GPR55: variants seen among roughly 807,000 people sequenced by gnomAD.
GPR55 encodes the protein G-protein coupled receptor 55.
Under a neutral mutation model 7.9 loss-of-function variants are expected in GPR55, and 6 were observed. The observed-to-expected ratio is 0.76, with a 90% CI of 0.41 to 1.49. GPR55 has a LOEUF of 1.49. Ranked by LOEUF, GPR55 falls within the 40% of genes most tolerant of loss-of-function variation. The pLI, the probability that GPR55 is intolerant of heterozygous loss-of-function variation, is 0.01. For synonymous variants in GPR55, 183 were observed against 166.8 expected (o/e 1.10, Z -0.75); for missense variants, 376 against 406.0 (o/e 0.93, Z 0.63).
intron 1 of GPR55, among the ~76,000 whole-genome samples, chr2:230,939,082 A>G (rs1391650588): frequency 6.6e-6 from 1 of 152,166 alleles, no homozygotes; most frequent in Non-Finnish European, 1.5e-5. Context: ...GCCAACAATG[A>G]GCACTCGCCG....
rs1399567035 is a variant in GPR55 at position 230,908,322 on chromosome 2, T to G, written c.*1681A>C. The stretch of plus-strand genomic sequence containing the variant: ...TTCCCTCCATCCACCTAGGAGGAGG[T>G]GTACAGGGTGCCACTTGAACACAGC... On this transcript the variant is annotated 3_prime_UTR_variant, in exon 2 of 2. Coordinates refer to ENST00000650999, the MANE Select transcript of GPR55 (RefSeq NM_005683.4). 6.6e-6 allele frequency: 1 copy of G among 152,414 alleles called. No homozygotes were observed. The highest frequency in any genetic ancestry group is 2.4e-5 in the African/African-American group (1 of 41,378). The allele number at this position is 152,414 out of a possible 1,614,324, so 9.4% of individuals were successfully genotyped here. A position where few individuals can be genotyped will look rare whatever the true frequency, so the allele number is the denominator to read the frequency against.
intron 1 of GPR55, among the ~76,000 whole-genome samples, chr2:230,940,061 C>T (rs1205061433): frequency 5.9e-5 from 9 of 152,136 alleles, no homozygotes; most frequent in African/African-American, 2.2e-4. Context: ...CATCCCTGAG[C>T]TACGTGGCCC....
At chr2:230,922,292 C>T (rs1432694993) in intron 1 of GPR55, among the ~76,000 whole-genome samples, 1 of 152,130 alleles carries the variant, frequency 6.6e-6, no homozygotes, top group Non-Finnish European at 1.5e-5. Context: ...CTCCTGGCTC[C>T]CTCTGCTTGG....
Position 230,910,147 on chromosome 2 carries a change from C to G in GPR55, c.816G>C (p.Leu272Phe), listed in dbSNP as rs576982499. Residue 272 changes from leucine to phenylalanine, a missense_variant, in exon 2 of 2, where the codon TTG (leucine) becomes TTC (phenylalanine). Physicochemically the swap from Leu to Phe is conservative, Grantham distance 22. Coordinates refer to ENST00000650999, the MANE Select transcript of GPR55 (RefSeq NM_005683.4). The surrounding 1 kb of genome is among the most constrained non-coding windows in gnomAD (Gnocchi z 5.4). ...AGTTGACGTTGGAGAAACACATGGA[C>G]AATTGCAAGAAGAAGCTGATGCTCT... ...AKQSISFFLQ[L>F]SMCFSNVNCC... is the part of the protein sequence containing the mutation. 3.3e-4 allele frequency: 533 copies of G among 1,614,172 alleles called. 7 individuals carry two copies. In the South Asian group the frequency reaches 5.5e-3, roughly 17 times the overall value.
chr2:230,943,611 A>G (rs571907358), intron 1 of GPR55, among the ~76,000 whole-genome samples: 1 of 152,318 alleles, frequency 6.6e-6, no homozygotes, highest in African/African-American at 2.4e-5. Flanking sequence ...TGTCCCCTCT[A>G]AATCTCATGT....
chr2:230,940,420 C>T (rs1490872268), intron 1 of GPR55, among the ~76,000 whole-genome samples: 2 of 152,178 alleles, frequency 1.3e-5, no homozygotes, highest in Admixed American at 6.5e-5. Flanking sequence ...TCTGAAGCAG[C>T]CCCCTGAAGA....
intron 1 of GPR55, among the ~76,000 whole-genome samples, chr2:230,938,146 C>CAAAA (rs59307128): frequency 5.0e-5 from 1 of 19,884 alleles, no homozygotes; most frequent in Non-Finnish European, 1.3e-4. Flanking sequence ...GACCCTGTCT[C>CAAAA]AAAAAAAAAA....
upstream of GPR55, among the ~76,000 whole-genome samples, chr2:230,927,170 G>C (rs1007960496): frequency 2.6e-5 from 4 of 152,144 alleles, no homozygotes; most frequent in African/African-American, 9.7e-5. Context: ...GGGCACCACT[G>C]TTAAGTTTCT....
chr2:230,960,193 G>A (rs1691547251), intron 1 of GPR55, among the ~76,000 whole-genome samples: 1 of 152,332 alleles, frequency 6.6e-6, no homozygotes, highest in Middle Eastern at 3.4e-3. Context: ...AGCTGTCAAG[G>A]TCAGGGAAGG....
At chr2:230,939,942 G>A (rs1337864929) in intron 1 of GPR55, among the ~76,000 whole-genome samples, 2 of 150,282 alleles carry the variant, frequency 1.3e-5, no homozygotes, top group African/African-American at 2.5e-5. Flanking sequence ...GTGTGTTGGC[G>A]GGGGCGGGGA....
Position 230,910,738 on chromosome 2 carries a change from G to C in GPR55, c.225C>G (p.Leu75=). Residue 75 remains leucine, a synonymous_variant, in exon 2 of 2, where the codon CTC becomes CTG. Coordinates refer to ENST00000650999, the MANE Select transcript of GPR55 (RefSeq NM_005683.4). The surrounding 1 kb of genome is among the most constrained non-coding windows in gnomAD (Gnocchi z 5.4). ...NLAVFDLLLV[L]SLPFKMVLSQ... ...ACAGGACCATCTTGAATGGGAGGGA[G>C]AGCACCAGCAGCAGGTCAAAGACTG... 1 of 1,614,104 alleles carries C rather than the reference G, an allele frequency of 6.2e-7. No individual in the cohort carries two copies. The highest frequency in any genetic ancestry group is 8.5e-7 in the Non-Finnish European group (1 of 1,179,952).
At chr2:230,918,737 G>C (rs1690770010) in intron 1 of GPR55, among the ~76,000 whole-genome samples, 1 of 152,082 alleles carries the variant, frequency 6.6e-6, no homozygotes. Flanking sequence ...AGAAATGTAA[G>C]ATAGTTTCAG....
At chr2:230,933,016 T>C (rs1284126316) in intron 1 of GPR55, among the ~76,000 whole-genome samples, 3 of 152,182 alleles carry the variant, frequency 2.0e-5, no homozygotes, top group East Asian at 3.8e-4. Flanking sequence ...TTGGCAACGA[T>C]GAAGGGAAAA....
chr2:230,937,477 G>A (rs558326202), intron 1 of GPR55, among the ~76,000 whole-genome samples: 8 of 69,982 alleles, frequency 1.1e-4, no homozygotes, highest in African/African-American at 3.0e-4. Context: ...AACTAATTGC[G>A]TTAGGGATAA....
chr2:230,917,403 A>T (rs1281601473), intron 1 of GPR55, among the ~76,000 whole-genome samples: 1 of 152,254 alleles, frequency 6.6e-6, no homozygotes, highest in Non-Finnish European at 1.5e-5. Context: ...GCCAAAAAAC[A>T]CTTGCCAAAA....
intron 1 of GPR55, among the ~76,000 whole-genome samples, chr2:230,947,503 C>CTT (rs1324311132): frequency 1.6e-4 from 22 of 135,320 alleles, no homozygotes; most frequent in African/African-American, 4.7e-4. Context: ...ACTTTATGAC[C>CTT]TTTTTTTTTT....
At chr2:230,948,019 G>A (rs549548087) in intron 1 of GPR55, among the ~76,000 whole-genome samples, 68 of 152,268 alleles carry the variant, frequency 4.5e-4, no homozygotes, top group African/African-American at 1.3e-3. Context: ...TGCAGTGCCC[G>A]CCCGGCTCCT....
intron 1 of GPR55, among the ~76,000 whole-genome samples, chr2:230,937,572 C>T (rs566536258): frequency 5.3e-5 from 8 of 151,430 alleles, no homozygotes; most frequent in African/African-American, 1.5e-4. Context: ...ATTGCCTTGC[C>T]GAGAGAGCTT....
chr2:230,938,958 G>C (rs768072161), intron 1 of GPR55, among the ~76,000 whole-genome samples: 1 of 152,196 alleles, frequency 6.6e-6, no homozygotes, highest in Non-Finnish European at 1.5e-5. Flanking sequence ...ACTTCAAGAA[G>C]AAAGTCAGCT....
Sources: allele counts gnomAD v4.1 joint callset (sites outside exome capture counted in the v4.1 genomes callset), GRCh38; gene constraint gnomAD v4.1.1; non-coding constraint Gnocchi (gnomAD v3.1); transcripts MANE v1.5; gene names NCBI Gene and HGNC (gene_info 2026-07-23, HGNC 2026-07-21).